Variants in WWC2 observed in about 807,000 individuals in gnomAD.
The protein encoded by WWC2 is WW and C2 domain containing 2.
In WWC2, 101 loss-of-function variants were observed where a neutral mutation model predicts 138.5. The ratio of observed to expected loss-of-function variants is 0.73; its 90% CI spans 0.62 to 0.86. The LOEUF is 0.86. WWC2 is among the 40% of genes least tolerant of loss of function. The probability of loss-of-function intolerance (pLI) is 0.00; values close to 1 mark genes in which losing one functional copy is unlikely to be tolerated. For missense variants in WWC2, 1,420 were observed against 1,419.4 expected, an observed-to-expected ratio of 1.00 and a Z score of -0.01; for synonymous variants, 558 against 538.4, an observed-to-expected ratio of 1.04 and a Z score of -0.50.
intron 1 of WWC2, among the ~76,000 whole-genome samples, chr4:183,164,351 TATATAC>T (rs1339665430): frequency 0.088 from 18 of 204 alleles, no homozygotes; most frequent in South Asian, 0.25. Context: ...ATATATATTA[TATATAC>T]ATATATATAT....
intron 19 of WWC2, among the ~76,000 whole-genome samples, chr4:183,285,726 C>G (rs1242336413): frequency 6.6e-6 from 1 of 151,990 alleles, no homozygotes; most frequent in African/African-American, 2.4e-5. Flanking sequence ...CGCCACTGCA[C>G]TCCAGCCTGG....
At chr4:183,198,522 A>T (rs1390849618) in intron 2 of WWC2, among the ~76,000 whole-genome samples, 1 of 152,048 alleles carries the variant, frequency 6.6e-6, no homozygotes, top group Non-Finnish European at 1.5e-5. Flanking sequence ...CGCAAATGGG[A>T]TTATATTATA....
intron 1 of WWC2, among the ~76,000 whole-genome samples, chr4:183,192,454 G>A (rs1406728589): frequency 2.0e-5 from 3 of 152,166 alleles, no homozygotes; most frequent in Admixed American, 6.5e-5. Context: ...GAGAGATTTC[G>A]TGCTATAGGA....
chr4:183,308,962 A>G (rs899984298), intron 21 of WWC2, among the ~76,000 whole-genome samples: 1 of 152,206 alleles, frequency 6.6e-6, no homozygotes, highest in Admixed American at 6.5e-5. Context: ...AGAGGAGCAA[A>G]GAAAATAAAT....
At chr4:183,306,292 C>G (rs770728568) in intron 21 of WWC2, among the ~76,000 whole-genome samples, 8 of 152,180 alleles carry the variant, frequency 5.3e-5, no homozygotes, top group Non-Finnish European at 1.0e-4. Flanking sequence ...TTTCATTAAT[C>G]ACTGTAAACA....
intron 9 of WWC2, among the ~76,000 whole-genome samples, chr4:183,257,050 C>G (rs1737174068): frequency 1.3e-5 from 2 of 152,120 alleles, no homozygotes; most frequent in African/African-American, 4.8e-5. Context: ...TGAAAAAAAC[C>G]ATGCAGGGAA....
At chr4:183,108,137 A>G (rs1732102722) in intron 1 of WWC2, among the ~76,000 whole-genome samples, 1 of 152,170 alleles carries the variant, frequency 6.6e-6, no homozygotes, top group Non-Finnish European at 1.5e-5. Flanking sequence ...TTTGACATGT[A>G]AAGGCTTTTC....
chr4:183,224,414 C>T (rs1736012414), intron 4 of WWC2, among the ~76,000 whole-genome samples: 1 of 152,122 alleles, frequency 6.6e-6, no homozygotes, highest in African/African-American at 2.4e-5. Flanking sequence ...GAGAAACTTT[C>T]CCCCTGCATC....
chr4:183,191,034 T>C (rs1392169649), intron 1 of WWC2, among the ~76,000 whole-genome samples: 1 of 152,076 alleles, frequency 6.6e-6, no homozygotes, highest in Non-Finnish European at 1.5e-5. Context: ...TTAGACAGCA[T>C]TGATAATGGA....
intron 1 of WWC2, among the ~76,000 whole-genome samples, chr4:183,145,592 A>AT (rs907800559): frequency 1.3e-5 from 2 of 152,220 alleles, no homozygotes; most frequent in Non-Finnish European, 2.9e-5. Flanking sequence ...CTCAGAGAGA[A>AT]GGAGTGCTAA....
intron 1 of WWC2, among the ~76,000 whole-genome samples, chr4:183,161,232 A>G (rs1418716490): frequency 1.3e-5 from 2 of 152,216 alleles, no homozygotes; most frequent in South Asian, 2.1e-4. Context: ...TCTCTTGAGT[A>G]CTTAAAAGAA....
At chr4:183,267,365 C>T (rs903600611) in intron 14 of WWC2, among the ~76,000 whole-genome samples, 1 of 152,166 alleles carries the variant, frequency 6.6e-6, no homozygotes, top group African/African-American at 2.4e-5. Flanking sequence ...AAACACCAGT[C>T]AGCGGTGTCC....
chr4:183,133,152 CTTTT>C (rs374079982), intron 1 of WWC2, among the ~76,000 whole-genome samples: 1 of 59,188 alleles, frequency 1.7e-5, no homozygotes, highest in Non-Finnish European at 3.7e-5. Flanking sequence ...TCTTTTTTTT[CTTTT>C]TTTTTTTTTT....
intron 1 of WWC2, among the ~76,000 whole-genome samples, chr4:183,191,859 C>T (rs189488663): frequency 9.0e-4 from 137 of 151,946 alleles, no homozygotes; most frequent in South Asian, 7.9e-3. Flanking sequence ...TCCCAGAGTG[C>T]GGAGATTACA....
At chr4:183,314,942 T>C (rs1399059738) in intron 22 of WWC2, among the ~76,000 whole-genome samples, 2 of 152,212 alleles carry the variant, frequency 1.3e-5, no homozygotes, top group Non-Finnish European at 2.9e-5. Flanking sequence ...CCATCTGGAC[T>C]GTTCTTTCGC....
intron 1 of WWC2, among the ~76,000 whole-genome samples, chr4:183,164,774 G>C (rs1413100311): frequency 6.6e-6 from 1 of 152,102 alleles, no homozygotes; most frequent in Non-Finnish European, 1.5e-5. Flanking sequence ...ATGGGCACAT[G>C]TTTTCAAGAG....
intron 22 of WWC2, among the ~76,000 whole-genome samples, chr4:183,312,886 G>T (rs1055482330): frequency 6.6e-6 from 1 of 152,246 alleles, no homozygotes; most frequent in East Asian, 1.9e-4. Flanking sequence ...CTGCTCTTCT[G>T]GGGGGCTCTA....
intron 2 of WWC2, among the ~76,000 whole-genome samples, chr4:183,200,937 G>A (rs541803325): frequency 1.3e-5 from 2 of 152,292 alleles, no homozygotes; most frequent in East Asian, 3.9e-4. Flanking sequence ...TAGGAGATGA[G>A]GATTATTGGG....
chr4:183,319,343 G>A lies in WWC2; in HGVS notation c.*3614G>A. On this transcript the variant is annotated 3_prime_UTR_variant, in exon 23 of 23. Transcript: ENST00000403733. ...TGAGAAAACTCATCCACAGTAATGGGTGTCATTACTATTCAGTCTTGATTG... is the reference window on the plus strand; with the variant it reads ...TGAGAAAACTCATCCACAGTAATGGATGTCATTACTATTCAGTCTTGATTG... 1 of 534,166 alleles carries A rather than the reference G, an allele frequency of 1.9e-6. No individual in the cohort carries two copies. The highest frequency in any genetic ancestry group is 3.3e-6 in the Non-Finnish European group (1 of 306,616). The allele number at this position is 534,166 out of a possible 1,614,324, so 33.1% of individuals were successfully genotyped here. A position where few individuals can be genotyped will look rare whatever the true frequency, so the allele number is the denominator to read the frequency against.
Sources: gnomAD v4.1 joint callset for allele counts (sites outside exome capture counted in the v4.1 genomes callset) on GRCh38, gnomAD v4.1.1 for gene constraint, MANE v1.5 for transcripts, NCBI Gene and HGNC (gene_info 2026-07-23, HGNC 2026-07-21) for gene names.